The following LRMDA variants were observed in gnomAD, a reference collection of about 807,000 sequenced individuals.
LRMDA encodes the protein leucine rich melanocyte differentiation associated.
A neutral mutation model predicts 29.8 loss-of-function variants in LRMDA; 18 were observed. The ratio of observed to expected loss-of-function variants is 0.60; its 90% CI spans 0.42 to 0.90. The LOEUF (loss-of-function observed/expected upper bound fraction) is 0.90, where lower values mean the gene tolerates loss of function less well. Ranked by LOEUF, LRMDA falls within the 40% of genes least tolerant of loss-of-function variation. The pLI, the probability that LRMDA is intolerant of heterozygous loss-of-function variation, is 0.00. For synonymous variants in LRMDA, 125 were observed against 109.4 expected (o/e 1.14, Z -0.89); for missense variants, 273 against 273.9 (o/e 1.00, Z 0.02).
At chr10:75,484,377 G>C (rs941026670) in intron 2 of LRMDA, among the ~76,000 whole-genome samples, 50 of 152,170 alleles carry the variant, frequency 3.3e-4, no homozygotes, top group African/African-American at 1.1e-3. Context: ...GCTGTGAAAA[G>C]AGGGTTTTAA....
intron 2 of LRMDA, among the ~76,000 whole-genome samples, chr10:75,439,284 C>T (rs1844299296): frequency 6.6e-6 from 1 of 152,156 alleles, no homozygotes; most frequent in South Asian, 2.1e-4. Flanking sequence ...AAGCTGGTGC[C>T]ACCCAGGGCT....
At chr10:75,771,793 T>C (rs914879736) in intron 2 of LRMDA, among the ~76,000 whole-genome samples, 1 of 151,798 alleles carries the variant, frequency 6.6e-6, no homozygotes, top group Non-Finnish European at 1.5e-5. Flanking sequence ...TGAAGAAGGG[T>C]GTGGCACAGG....
chr10:75,894,513 T>G (rs1410646393), intron 2 of LRMDA, among the ~76,000 whole-genome samples: 3 of 152,220 alleles, frequency 2.0e-5, no homozygotes, highest in Admixed American at 1.3e-4. Flanking sequence ...CATTTTCATA[T>G]AATGACTTCT....
chr10:75,881,491 C>G (rs184421087), intron 2 of LRMDA, among the ~76,000 whole-genome samples: 57 of 152,310 alleles, frequency 3.7e-4, no homozygotes, highest in African/African-American at 1.3e-3. Flanking sequence ...TCTCTCCCCC[C>G]CACTACCCCT....
rs537412013 is a variant in LRMDA at position 76,244,296 on chromosome 10, C to T, written c.517-80105C>T. Among the ~76,000 whole-genome samples, 3 of 152,244 alleles carry T rather than the reference C, an allele frequency of 2.0e-5. No homozygotes were observed. In the East Asian group the frequency reaches 5.8e-4, roughly 29 times the overall value. Reference sequence around the variant, plus strand: ...CAGGCATTCAGTACACATCAGATTCCTTCTCCCATCACCTCCTACCCATTT... The same window carrying T: ...CAGGCATTCAGTACACATCAGATTCTTTCTCCCATCACCTCCTACCCATTT... On this transcript the variant is annotated intron_variant, in intron 5 of 6. Coordinates refer to ENST00000611255, the MANE Select transcript of LRMDA (RefSeq NM_001305581.2).
chr10:76,299,859 A>C (rs1281830048), intron 5 of LRMDA, among the ~76,000 whole-genome samples: 3 of 152,184 alleles, frequency 2.0e-5, no homozygotes, highest in Non-Finnish European at 4.4e-5. Context: ...CCTGAGACTC[A>C]AGCTTTGTAG....
intron 2 of LRMDA, among the ~76,000 whole-genome samples, chr10:75,942,233 G>T (rs1285053282): frequency 6.6e-6 from 1 of 152,028 alleles, no homozygotes; most frequent in African/African-American, 2.4e-5. Context: ...GCATTTTTAT[G>T]ACCCAGCTAA....
intron 2 of LRMDA, among the ~76,000 whole-genome samples, chr10:75,525,402 T>C (rs1358737078): frequency 6.6e-6 from 1 of 152,138 alleles, no homozygotes; most frequent in Non-Finnish European, 1.5e-5. Context: ...GATTGGAGTA[T>C]GTAGTTTATG....
At chr10:76,319,341 T>C (rs1374064436) in intron 5 of LRMDA, 1 of 152,258 alleles carries the variant, frequency 6.6e-6, no homozygotes, top group Admixed American at 6.5e-5. Flanking sequence ...AGAAAGTTAA[T>C]ATAGTTAATC....
chr10:76,533,204 T>C (rs1269829299), intron 6 of LRMDA, among the ~76,000 whole-genome samples: 1 of 152,174 alleles, frequency 6.6e-6, no homozygotes, highest in Non-Finnish European at 1.5e-5. Context: ...AGTGTAACTA[T>C]TAGTTTCAAA....
rs377350308 is a variant in LRMDA at position 75,913,508 on chromosome 10, C to T, written c.132-122500C>T. ...AGTTAATTTTTCTTTTGACTTTAAA[C>T]GAAATGAAAACATTTTTGTAGTCTC... On this transcript the variant is annotated intron_variant, in intron 2 of 6. Coordinates refer to ENST00000611255, the MANE Select transcript of LRMDA (RefSeq NM_001305581.2). 1.4e-4 allele frequency among the ~76,000 whole-genome samples: 22 copies of T among 152,160 alleles called. No homozygotes were observed. In the East Asian group the frequency reaches 1.9e-3, roughly 13 times the overall value.
intron 6 of LRMDA, among the ~76,000 whole-genome samples, chr10:76,333,622 G>A (rs963111888): frequency 6.6e-6 from 1 of 152,096 alleles, no homozygotes; most frequent in Non-Finnish European, 1.5e-5. Flanking sequence ...GGTCACGAGG[G>A]CTCAGGCATC....
At chr10:75,846,563 C>T (rs972817855) in intron 2 of LRMDA, among the ~76,000 whole-genome samples, 5 of 152,086 alleles carry the variant, frequency 3.3e-5, no homozygotes, top group African/African-American at 4.8e-5. Context: ...CTAACATTGC[C>T]GTTTAGATTA....
At chr10:76,063,326 C>T (rs756561043) in intron 5 of LRMDA, among the ~76,000 whole-genome samples, 4 of 152,132 alleles carry the variant, frequency 2.6e-5, no homozygotes, top group African/African-American at 7.2e-5. Context: ...TGTGTTCAAA[C>T]GTATGTTTTT....
chr10:75,979,292 A>G (rs1847126052), intron 2 of LRMDA, among the ~76,000 whole-genome samples: 1 of 152,246 alleles, frequency 6.6e-6, no homozygotes, highest in African/African-American at 2.4e-5. Flanking sequence ...GACTGAAATT[A>G]GGGAAACACT....
At chr10:75,815,436 A>G (rs1291807637) in intron 2 of LRMDA, among the ~76,000 whole-genome samples, 1 of 152,218 alleles carries the variant, frequency 6.6e-6, no homozygotes, top group African/African-American at 2.4e-5. Context: ...CCTTTTGTGT[A>G]CATGGGAGAA....
chr10:75,972,047 G>A (rs1490329947), intron 2 of LRMDA, among the ~76,000 whole-genome samples: 1 of 152,198 alleles, frequency 6.6e-6, no homozygotes, highest in Non-Finnish European at 1.5e-5. Flanking sequence ...AATATTGGCT[G>A]GCAAGAAAGG....
chr10:76,185,150 A>G (rs1236755136), intron 5 of LRMDA, among the ~76,000 whole-genome samples: 2 of 152,212 alleles, frequency 1.3e-5, no homozygotes, highest in African/African-American at 4.8e-5. Flanking sequence ...AAAATGGACA[A>G]TGGTCAGTAA....
chr10:75,934,351 T>A (rs139599646), intron 2 of LRMDA, among the ~76,000 whole-genome samples: 125 of 152,268 alleles, frequency 8.2e-4, no homozygotes, highest in African/African-American at 2.9e-3. Flanking sequence ...AGAATTATTG[T>A]CATTCCATGT....
Sources: gnomAD v4.1 joint callset for allele counts (sites outside exome capture counted in the v4.1 genomes callset) on GRCh38, gnomAD v4.1.1 for gene constraint, MANE v1.5 for transcripts, NCBI Gene and HGNC (gene_info 2026-07-23, HGNC 2026-07-21) for gene names.